ASIC2: variants seen among roughly 807,000 people sequenced by gnomAD.
ASIC2 encodes the protein acid-sensing ion channel 2.
ASIC2 carries 25 observed loss-of-function variants against 57.3 expected under a neutral mutation model. The observed-to-expected ratio is 0.44, with a 90% CI of 0.32 to 0.61. ASIC2 has a LOEUF of 0.61. ASIC2 is among the 20% of genes least tolerant of loss of function. ASIC2 has a pLI of 0.06. For synonymous variants in ASIC2, 319 were observed against 307.5 expected (o/e 1.04, Z -0.39); for missense variants, 641 against 738.1 (o/e 0.87, Z 1.52).
At chr17:33,356,201 G>A (rs1908366921) in intron 1 of ASIC2, among the ~76,000 whole-genome samples, 1 of 152,188 alleles carries the variant, frequency 6.6e-6, no homozygotes, top group South Asian at 2.1e-4. Context: ...GTGACACCTG[G>A]CCTGATTATA....
At chr17:33,176,972 T>G (rs1270431647) in intron 1 of ASIC2, among the ~76,000 whole-genome samples, 1 of 152,224 alleles carries the variant, frequency 6.6e-6, no homozygotes, top group Non-Finnish European at 1.5e-5. Context: ...GTATCTGACC[T>G]GGTCAATGCT....
chr17:33,542,145 T>C (rs1429356961), intron 1 of ASIC2, among the ~76,000 whole-genome samples: 2 of 152,220 alleles, frequency 1.3e-5, no homozygotes, highest in African/African-American at 4.8e-5. Flanking sequence ...TCAATCTTCA[T>C]TGTTGGACAT....
chr17:33,574,791 G>T (rs906398090), intron 1 of ASIC2, among the ~76,000 whole-genome samples: 1 of 151,898 alleles, frequency 6.6e-6, no homozygotes, highest in Non-Finnish European at 1.5e-5. Flanking sequence ...CATGGAGAGA[G>T]GAAGATAGAA....
At chr17:33,974,701 A>C (rs1265782100) in intron 1 of ASIC2, among the ~76,000 whole-genome samples, 2 of 151,560 alleles carry the variant, frequency 1.3e-5, no homozygotes, top group Non-Finnish European at 2.9e-5. Flanking sequence ...AGATACTCAG[A>C]GGTTCCTGAT....
At chr17:33,374,398 T>A (rs1909200532) in intron 1 of ASIC2, among the ~76,000 whole-genome samples, 1 of 151,736 alleles carries the variant, frequency 6.6e-6, no homozygotes, top group Non-Finnish European at 1.5e-5. Flanking sequence ...CCCCAAGAGG[T>A]GGACTCAGTG....
chr17:33,831,690 T>G (rs898247660), intron 1 of ASIC2, among the ~76,000 whole-genome samples: 2 of 152,128 alleles, frequency 1.3e-5, no homozygotes, highest in Non-Finnish European at 2.9e-5. Context: ...CACTGAGCTC[T>G]GCACGCATCC....
intron 1 of ASIC2, among the ~76,000 whole-genome samples, chr17:33,963,268 C>A (rs908906075): frequency 6.6e-6 from 1 of 152,176 alleles, no homozygotes; most frequent in South Asian, 2.1e-4. Flanking sequence ...CTCTACGTTG[C>A]ATCGCTGTTT....
At chr17:33,715,538 G>A (rs1909191861) in intron 1 of ASIC2, among the ~76,000 whole-genome samples, 1 of 152,180 alleles carries the variant, frequency 6.6e-6, no homozygotes, top group African/African-American at 2.4e-5. Context: ...GATATTCATT[G>A]TTAGACCACT....
At chr17:33,932,713 CAAAAAAAAAAAA>C (rs869134623) in intron 1 of ASIC2, 2 of 44,064 alleles carry the variant, frequency 4.5e-5, no homozygotes, top group African/African-American at 1.1e-4. Flanking sequence ...AACTTTGTTT[CAAAAAAAAAAAA>C]AAAAAAAAAA....
intron 1 of ASIC2, among the ~76,000 whole-genome samples, chr17:33,155,780 C>G (rs973265918): frequency 6.6e-6 from 1 of 151,710 alleles, no homozygotes; most frequent in African/African-American, 2.4e-5. Context: ...GGCTGGTCTC[C>G]AACTCCTGAC....
At chr17:33,331,192 G>C (rs545699712) in intron 1 of ASIC2, among the ~76,000 whole-genome samples, 1 of 152,236 alleles carries the variant, frequency 6.6e-6, no homozygotes, top group South Asian at 2.1e-4. Flanking sequence ...ATCTGAGGTG[G>C]AACCATTTCA....
intron 1 of ASIC2, among the ~76,000 whole-genome samples, chr17:33,762,485 A>G (rs1375125254): frequency 2.6e-5 from 4 of 152,204 alleles, no homozygotes; most frequent in South Asian, 2.1e-4. Context: ...ATGCAGAAAC[A>G]TGATGACCAG....
chr17:33,355,115 C>G (rs1377209571), intron 1 of ASIC2, among the ~76,000 whole-genome samples: 1 of 152,098 alleles, frequency 6.6e-6, no homozygotes, highest in African/African-American at 2.4e-5. Context: ...TGTGGATCAC[C>G]TGAGATCAGG....
intron 1 of ASIC2, among the ~76,000 whole-genome samples, chr17:33,302,708 A>G (rs1219046792): frequency 2.0e-5 from 3 of 152,200 alleles, no homozygotes; most frequent in African/African-American, 7.2e-5. Context: ...AAGAGCAGAA[A>G]GGAAGAGTTA....
chr17:33,250,113 T>C (rs1908829513), intron 1 of ASIC2, among the ~76,000 whole-genome samples: 1 of 152,210 alleles, frequency 6.6e-6, no homozygotes, highest in Non-Finnish European at 1.5e-5. Flanking sequence ...AAGCCTCAGT[T>C]TCCTTATTTG....
At chr17:33,475,876 G>A (rs923696950) in intron 1 of ASIC2, among the ~76,000 whole-genome samples, 9 of 152,198 alleles carry the variant, frequency 5.9e-5, no homozygotes, top group East Asian at 1.9e-4. Flanking sequence ...ATCTCCAGCC[G>A]CTGCCCATAA....
At chr17:33,541,226 C>T (rs778685338) in intron 1 of ASIC2, 8 of 152,186 alleles carry the variant, frequency 5.3e-5, no homozygotes, top group African/African-American at 1.4e-4. Context: ...TAATGATCTA[C>T]TTCTAGGATT....
At chr17:33,487,863 C>T (rs901749840) in intron 1 of ASIC2, among the ~76,000 whole-genome samples, 4 of 152,138 alleles carry the variant, frequency 2.6e-5, no homozygotes, top group African/African-American at 7.2e-5. Flanking sequence ...CCTACATCAG[C>T]GGTTTGCCAG....
At chr17:34,048,107 T>G (rs1052150880) in intron 1 of ASIC2, among the ~76,000 whole-genome samples, 4 of 152,092 alleles carry the variant, frequency 2.6e-5, no homozygotes, top group Non-Finnish European at 5.9e-5. Flanking sequence ...CCATTGGGAG[T>G]GTCCACACTT....
Sources: gnomAD v4.1 joint callset for allele counts (sites outside exome capture counted in the v4.1 genomes callset) on GRCh38, gnomAD v4.1.1 for gene constraint, MANE v1.5 for transcripts, NCBI Gene and HGNC (gene_info 2026-07-23, HGNC 2026-07-21) for gene names.